Variants in ARL15 observed in about 807,000 individuals in gnomAD.
ARL15 encodes the protein ARF like GTPase 15, also known as ADP-ribosylation factor-like protein 15.
ARL15 carries 19 observed loss-of-function variants against 25.2 expected under a neutral mutation model. The ratio of observed to expected loss-of-function variants is 0.75; its 90% CI spans 0.53 to 1.10. The LOEUF (loss-of-function observed/expected upper bound fraction) is 1.10. Ranked by LOEUF, ARL15 falls within the 50% of genes least tolerant of loss-of-function variation. ARL15 has a pLI of 0.00. For synonymous variants in ARL15, 94 were observed against 86.8 expected, an observed-to-expected ratio of 1.08 and a Z score of -0.46; for missense variants, 220 against 246.0, an observed-to-expected ratio of 0.89 and a Z score of 0.71.
At chr5:54,094,676 A>T (rs1190739455) in intron 4 of ARL15, among the ~76,000 whole-genome samples, 1 of 152,222 alleles carries the variant, frequency 6.6e-6, no homozygotes. Context: ...TAAAGCAAAC[A>T]GTTCTGAAAA....
intron 4 of ARL15, among the ~76,000 whole-genome samples, chr5:54,039,801 A>T (rs865917371): frequency 4.4e-3 from 53 of 12,000 alleles, no homozygotes; most frequent in Non-Finnish European, 7.9e-3. Flanking sequence ...GACTCTGTCT[A>T]AAAAAAAAAA....
At chr5:54,237,331 CTCTTTT>C (rs1756837419) in intron 1 of ARL15, among the ~76,000 whole-genome samples, 1 of 152,178 alleles carries the variant, frequency 6.6e-6, no homozygotes, top group Middle Eastern at 3.2e-3. Context: ...TCCACTAAAC[CTCTTTT>C]TCTTTATAAA....
chr5:54,096,362 A>C lies in ARL15; in HGVS notation c.462+16840T>G, dbSNP rs1483256333. 2.0e-5 allele frequency among the ~76,000 whole-genome samples: 3 copies of C among 152,224 alleles called. No individual in the cohort carries two copies. In the East Asian group the frequency reaches 5.8e-4, roughly 29 times the overall value. On this transcript the variant is annotated intron_variant, in intron 4 of 4. Transcript: ENST00000504924. ...TAAGTGTGCAAAAAATATTGTTTGA[A>C]GAGAATGAACACAAGTTGTTTTGTT...
chr5:54,099,068 A>T (rs2112171179), intron 4 of ARL15, among the ~76,000 whole-genome samples: 1 of 152,296 alleles, frequency 6.6e-6, no homozygotes, highest in Non-Finnish European at 1.5e-5. Flanking sequence ...ACATACTATA[A>T]AAAGGCAGAT....
intron 4 of ARL15, among the ~76,000 whole-genome samples, chr5:54,014,837 T>G (rs1015803118): frequency 1.3e-5 from 2 of 152,042 alleles, no homozygotes; most frequent in African/African-American, 4.8e-5. Context: ...CCTGAACCCC[T>G]TTAGGGTGTA....
At chr5:54,082,381 T>A (rs769543623) in intron 4 of ARL15, among the ~76,000 whole-genome samples, 2 of 152,212 alleles carry the variant, frequency 1.3e-5, no homozygotes, top group Non-Finnish European at 2.9e-5. Flanking sequence ...TCCTTATAGG[T>A]TGACTTTTTT....
chr5:54,091,352 G>C (rs143812123), intron 4 of ARL15, among the ~76,000 whole-genome samples: 230 of 152,196 alleles, frequency 1.5e-3, no homozygotes, highest in African/African-American at 5.3e-3. Flanking sequence ...ACATATCTCT[G>C]TTTTCAGAGA....
At chr5:54,034,280 G>A (rs973487760) in intron 4 of ARL15, among the ~76,000 whole-genome samples, 3 of 152,314 alleles carry the variant, frequency 2.0e-5, no homozygotes, top group Admixed American at 2.0e-4. Context: ...CAGGATGAGT[G>A]TAAGGCAGGA....
At chr5:54,018,331 G>A (rs955176123) in intron 4 of ARL15, among the ~76,000 whole-genome samples, 2 of 152,092 alleles carry the variant, frequency 1.3e-5, no homozygotes, top group African/African-American at 4.8e-5. Flanking sequence ...TCTGCAGTAG[G>A]ATATATGCTA....
chr5:54,166,106 A>G (rs1754555661), intron 2 of ARL15, among the ~76,000 whole-genome samples: 1 of 152,114 alleles, frequency 6.6e-6, no homozygotes, highest in Non-Finnish European at 1.5e-5. Flanking sequence ...ACACAAAATT[A>G]AACATCATAT....
intron 4 of ARL15, among the ~76,000 whole-genome samples, chr5:54,109,977 C>A (rs976832570): frequency 3.3e-5 from 5 of 151,760 alleles, no homozygotes; most frequent in Non-Finnish European, 7.4e-5. Context: ...TTTTCACTAT[C>A]AGCTCTCAAG....
chr5:54,034,852 G>C (rs562961302), intron 4 of ARL15, among the ~76,000 whole-genome samples: 2 of 150,694 alleles, frequency 1.3e-5, no homozygotes, highest in Admixed American at 6.6e-5. Context: ...TTTTAGAGAC[G>C]GGGGGCGGTC....
intron 1 of ARL15, among the ~76,000 whole-genome samples, chr5:54,231,729 T>C (rs576113881): frequency 3.9e-5 from 6 of 152,294 alleles, no homozygotes; most frequent in African/African-American, 1.2e-4. Context: ...TAGCAAACCA[T>C]TACTTTGTCC....
At chr5:53,960,048 A>G (rs938507130) in intron 4 of ARL15, among the ~76,000 whole-genome samples, 2 of 152,138 alleles carry the variant, frequency 1.3e-5, no homozygotes, top group African/African-American at 4.8e-5. Flanking sequence ...ACAGACAGAT[A>G]TATAAGTCTA....
chr5:54,142,256 ACAT>A (rs1289331262), intron 3 of ARL15, among the ~76,000 whole-genome samples: 1 of 152,154 alleles, frequency 6.6e-6, no homozygotes, highest in African/African-American at 2.4e-5. Flanking sequence ...TCTAAATTAG[ACAT>A]CAGCTTTGGC....
intron 1 of ARL15, among the ~76,000 whole-genome samples, chr5:54,190,985 T>A (rs1755381205): frequency 6.6e-6 from 1 of 152,144 alleles, no homozygotes; most frequent in South Asian, 2.1e-4. Context: ...GAAAGCAGGA[T>A]CTGGAAGAGT....
intron 1 of ARL15, among the ~76,000 whole-genome samples, chr5:54,210,638 A>T (rs1756014247): frequency 6.6e-6 from 1 of 152,222 alleles, no homozygotes; most frequent in Admixed American, 6.5e-5. Context: ...TTAAAGGGCC[A>T]TTCTGACTAA....
At chr5:53,893,474 G>A (rs984838578) in intron 4 of ARL15, among the ~76,000 whole-genome samples, 1 of 152,262 alleles carries the variant, frequency 6.6e-6, no homozygotes, top group Non-Finnish European at 1.5e-5. Context: ...AGGGCGTGGT[G>A]GTGGGCGCCT....
chr5:54,090,927 G>T lies in ARL15; in HGVS notation c.462+22275C>A, dbSNP rs1752108547. 2.0e-5 allele frequency among the ~76,000 whole-genome samples: 3 copies of T among 148,724 alleles called. No homozygotes were observed. In the East Asian group the frequency reaches 6.3e-4, roughly 31 times the overall value. On this transcript the variant is annotated intron_variant, in intron 4 of 4. Coordinates refer to ENST00000504924, the MANE Select transcript of ARL15 (RefSeq NM_019087.3). ...TTTCACTAAAATTGATGAGTCATTT[G>T]TCACAATACAGATGTTTTATGGCTG... is the stretch of plus-strand genomic sequence containing the variant.
Sources: gnomAD v4.1 joint callset for allele counts (sites outside exome capture counted in the v4.1 genomes callset) on GRCh38, gnomAD v4.1.1 for gene constraint, MANE v1.5 for transcripts, NCBI Gene and HGNC (gene_info 2026-07-23, HGNC 2026-07-21) for gene names.